Variants in PPARG observed in about 807,000 individuals in gnomAD.
The protein encoded by PPARG is peroxisome proliferator-activated receptor gamma.
In PPARG, 17 loss-of-function variants were observed where a neutral mutation model predicts 39.2. The ratio of observed to expected loss-of-function variants is 0.43; its 90% CI spans 0.30 to 0.65. The LOEUF (loss-of-function observed/expected upper bound fraction) is 0.65, where lower values mean the gene tolerates loss of function less well. PPARG is among the 30% of genes least tolerant of loss of function. The pLI, the probability that PPARG is intolerant of heterozygous loss-of-function variation, is 0.13. For synonymous variants in PPARG, 223 were observed against 215.7 expected, an observed-to-expected ratio of 1.03 and a Z score of -0.30; for missense variants, 406 against 585.9, an observed-to-expected ratio of 0.69 and a Z score of 3.17.
At chr3:12,365,767 A>G (rs775355883) in intron 2 of PPARG, among the ~76,000 whole-genome samples, 5 of 152,014 alleles carry the variant, frequency 3.3e-5, no homozygotes, top group Non-Finnish European at 5.9e-5. Context: ...CTATTTGTCT[A>G]TTCTTTTGCC....
chr3:12,288,978 G>C (rs1230881896), upstream of PPARG: 1 of 152,426 alleles, frequency 6.6e-6, no homozygotes. Flanking sequence ...TTTACGCCTC[G>C]GTGTTTAGGG....
intron 7 of PPARG, among the ~76,000 whole-genome samples, chr3:12,423,481 G>T (rs955962830): frequency 6.6e-6 from 1 of 152,140 alleles, no homozygotes; most frequent in Non-Finnish European, 1.5e-5. Context: ...AAATGGAAAG[G>T]GTCGTCTTCT....
intron 2 of PPARG, among the ~76,000 whole-genome samples, chr3:12,360,914 G>A (rs531247410): frequency 2.2e-4 from 33 of 152,130 alleles, no homozygotes; most frequent in African/African-American, 7.5e-4. Flanking sequence ...GTGAAGGAGC[G>A]TATGCATTTC....
At chr3:12,288,318 C>G (rs1423037722), upstream of PPARG, among the ~76,000 whole-genome samples, 1 of 151,824 alleles carries the variant, frequency 6.6e-6, no homozygotes, top group African/African-American at 2.4e-5. Context: ...AGGGTCGCGT[C>G]TACCGGAGCG....
At chr3:12,383,330 A>G (rs2049755597) in intron 4 of PPARG, among the ~76,000 whole-genome samples, 1 of 152,210 alleles carries the variant, frequency 6.6e-6, no homozygotes, top group African/African-American at 2.4e-5. Context: ...AATATTTATG[A>G]CCTTATATGA....
At chr3:12,390,870 C>G (rs4135267) in intron 4 of PPARG, among the ~76,000 whole-genome samples, 1 of 152,010 alleles carries the variant, frequency 6.6e-6, no homozygotes, top group African/African-American at 2.4e-5. Context: ...AGGCTAGTCT[C>G]GAACTCCTGG....
chr3:12,376,252 G>A (rs995134995), intron 2 of PPARG, among the ~76,000 whole-genome samples: 3 of 151,976 alleles, frequency 2.0e-5, no homozygotes, highest in African/African-American at 7.2e-5. Context: ...CCCGGCCTCA[G>A]GGCATTTTTT....
chr3:12,306,492 A>C (rs1257773206), intron 1 of PPARG, among the ~76,000 whole-genome samples: 1 of 152,136 alleles, frequency 6.6e-6, no homozygotes, highest in South Asian at 2.1e-4. Context: ...GAACCCAGAC[A>C]ATCTGAACCC....
At chr3:12,402,934 C>A (rs760540586) in intron 5 of PPARG, among the ~76,000 whole-genome samples, 17 of 152,142 alleles carry the variant, frequency 1.1e-4, no homozygotes, top group Non-Finnish European at 1.6e-4. Context: ...TACACATACC[C>A]TCCTGTATAC....
intron 7 of PPARG, among the ~76,000 whole-genome samples, chr3:12,426,608 A>G (rs1385132491): frequency 6.6e-6 from 1 of 152,212 alleles, no homozygotes; most frequent in Non-Finnish European, 1.5e-5. Flanking sequence ...GGAAGAAAGA[A>G]TAGGAAAAAT....
intron 1 of PPARG, among the ~76,000 whole-genome samples, chr3:12,302,716 T>C (rs2046959681): frequency 6.6e-5 from 10 of 151,962 alleles, no homozygotes; most frequent in Admixed American, 6.6e-4. Context: ...TTAGGCCAGA[T>C]GATAAAAGGT....
At chr3:12,430,307 C>A (rs1237507795) in intron 7 of PPARG, among the ~76,000 whole-genome samples, 4 of 152,228 alleles carry the variant, frequency 2.6e-5, no homozygotes, top group Non-Finnish European at 5.9e-5. Context: ...TTAACTCAGT[C>A]AACCAAATGC....
intron 2 of PPARG, among the ~76,000 whole-genome samples, chr3:12,323,494 C>A (rs1409052962): frequency 1.3e-5 from 2 of 152,226 alleles, no homozygotes; most frequent in East Asian, 1.9e-4. Flanking sequence ...ACACTTAGTA[C>A]TTCTGTGTAC....
chr3:12,301,433 T>C (rs1215680625), intron 1 of PPARG: 1 of 152,266 alleles, frequency 6.6e-6, no homozygotes, highest in Non-Finnish European at 1.5e-5. Flanking sequence ...GTTCATAATA[T>C]GTAATTTAAT....
chr3:12,356,876 T>C (rs1322953088), intron 2 of PPARG, among the ~76,000 whole-genome samples: 1 of 152,178 alleles, frequency 6.6e-6, no homozygotes, highest in African/African-American at 2.4e-5. Flanking sequence ...TTGAAATGCC[T>C]TTCCTAATTC....
chr3:12,331,273 T>G (rs1250688583), intron 2 of PPARG, among the ~76,000 whole-genome samples: 2 of 152,086 alleles, frequency 1.3e-5, no homozygotes, highest in African/African-American at 4.8e-5. Context: ...TAGGATGAGT[T>G]AAGTTACTGT....
intron 2 of PPARG, among the ~76,000 whole-genome samples, chr3:12,319,787 T>G (rs2047486583): frequency 6.6e-6 from 1 of 152,128 alleles, no homozygotes; most frequent in Non-Finnish European, 1.5e-5. Context: ...GTTACTACTG[T>G]CTTTCCTCTT....
At chr3:12,320,072 G>A (rs2047494967) in intron 2 of PPARG, among the ~76,000 whole-genome samples, 1 of 152,166 alleles carries the variant, frequency 6.6e-6, no homozygotes, top group Admixed American at 6.6e-5. Context: ...TCAAGGGATG[G>A]AATGTAAATG....
chr3:12,325,625 A>G (rs1273604551), intron 2 of PPARG, among the ~76,000 whole-genome samples: 1 of 151,456 alleles, frequency 6.6e-6, no homozygotes, highest in African/African-American at 2.4e-5. Flanking sequence ...AAATAAATAA[A>G]GGCTTAGTAT....
Sources: gnomAD v4.1 joint callset for allele counts (sites outside exome capture counted in the v4.1 genomes callset) on GRCh38, gnomAD v4.1.1 for gene constraint, MANE v1.5 for transcripts, NCBI Gene and HGNC (gene_info 2026-07-23, HGNC 2026-07-21) for gene names.